SMAD3: variants seen among roughly 807,000 people sequenced by gnomAD.
SMAD3 encodes SMAD family member 3, also known as MAD homolog 3.
In SMAD3, 12 loss-of-function variants were observed where a neutral mutation model predicts 51.8. The ratio of observed to expected loss-of-function variants is 0.23; its 90% CI spans 0.15 to 0.38. SMAD3 has a LOEUF of 0.38. Ranked by LOEUF, SMAD3 falls within the 10% of genes least tolerant of loss-of-function variation. The pLI is 1.00. For synonymous variants in SMAD3, 238 were observed against 227.7 expected (o/e 1.05, Z -0.41); for missense variants, 294 against 565.6 (o/e 0.52, Z 4.87).
At chr15:67,072,773 G>A (rs942406663) in intron 1 of SMAD3, among the ~76,000 whole-genome samples, 4 of 152,190 alleles carry the variant, frequency 2.6e-5, no homozygotes, top group Admixed American at 2.0e-4. Context: ...CTGAGCCATG[G>A]AGCCTTCAGT....
At chr15:67,140,300 A>G (rs894392623) in intron 1 of SMAD3, among the ~76,000 whole-genome samples, 4 of 152,164 alleles carry the variant, frequency 2.6e-5, no homozygotes, top group African/African-American at 9.7e-5. Flanking sequence ...CCCACTGAAA[A>G]TGGAGTGGTG....
chr15:67,188,418 G>A (rs1435197494), intron 8 of SMAD3, among the ~76,000 whole-genome samples: 4 of 152,042 alleles, frequency 2.6e-5, no homozygotes, highest in African/African-American at 9.7e-5. Flanking sequence ...GATTACAGGC[G>A]TGAACCACCA....
At position 67,191,922 on chromosome 15, in the gene SMAD3, TA is replaced by T. The variant is rs1346719868; in HGVS notation, c.*1389del. The T allele has an allele frequency of 8.8e-6, 2 of 227,976 alleles. No homozygotes were observed. Among genetic ancestry groups the T allele is most frequent in the Non-Finnish European group, 1.7e-5 (2 of 114,524 alleles). 14.1% of individuals were successfully genotyped at this position (227,976 alleles called of 1,614,324 possible). A position where few individuals can be genotyped will look rare whatever the true frequency, so the allele number is the denominator to read the frequency against. On this transcript the variant is annotated 3_prime_UTR_variant, in exon 9 of 9. Coordinates refer to ENST00000327367, the MANE Select transcript of SMAD3 (RefSeq NM_005902.4). The stretch of plus-strand genomic sequence containing the variant: ...GCAGCAATTAGGGAGAAAACTAGTC[TA>T]AATTATTTCAACTGGAAAAAAGAAA...
chr15:67,069,682 ACAG>A (rs1960008308), intron 1 of SMAD3, among the ~76,000 whole-genome samples: 1 of 151,930 alleles, frequency 6.6e-6, no homozygotes, highest in Non-Finnish European at 1.5e-5. Flanking sequence ...GGTCTGACAC[ACAG>A]CATCTACTCC....
At chr15:67,145,604 C>T (rs1422188860) in intron 1 of SMAD3, among the ~76,000 whole-genome samples, 4 of 152,100 alleles carry the variant, frequency 2.6e-5, no homozygotes, top group East Asian at 3.9e-4. Context: ...TTTTCTGGTT[C>T]GTGAATGAAA....
At chr15:67,127,817 A>G (rs1467831537) in intron 1 of SMAD3, among the ~76,000 whole-genome samples, 3 of 152,202 alleles carry the variant, frequency 2.0e-5, no homozygotes, top group African/African-American at 4.8e-5. Flanking sequence ...TTCATGTCCA[A>G]GGCTAGAGTG....
At chr15:67,185,174 G>A (rs913639997) in intron 7 of SMAD3, among the ~76,000 whole-genome samples, 10 of 152,164 alleles carry the variant, frequency 6.6e-5, no homozygotes, top group Admixed American at 1.3e-4. Context: ...CAGCATGCAG[G>A]GCTCTGTGCC....
chr15:67,147,499 G>A (rs1962010722), intron 1 of SMAD3, among the ~76,000 whole-genome samples: 1 of 152,106 alleles, frequency 6.6e-6, no homozygotes, highest in Non-Finnish European at 1.5e-5. Context: ...CTGGGTAAAT[G>A]CCATCCTTTC....
At chr15:67,090,910 C>T (rs576572590) in intron 1 of SMAD3, among the ~76,000 whole-genome samples, 38 of 152,352 alleles carry the variant, frequency 2.5e-4, no homozygotes, top group African/African-American at 7.9e-4. Context: ...AAGCCCCTCC[C>T]TCCCTACTTG....
intron 5 of SMAD3, among the ~76,000 whole-genome samples, chr15:67,179,021 T>C (rs1041581791): frequency 3.9e-5 from 6 of 152,238 alleles, no homozygotes; most frequent in African/African-American, 1.4e-4. Flanking sequence ...ATTATCATTG[T>C]TGTTAACACC....
Position 67,192,928 on chromosome 15 carries a change from T to G in SMAD3, c.*2392T>G, listed in dbSNP as rs931719758. On this transcript the variant is annotated 3_prime_UTR_variant, in exon 9 of 9. Coordinates refer to ENST00000327367, the MANE Select transcript of SMAD3 (RefSeq NM_005902.4). ...TGTGTTTTTCCAAAGGATACTTCCT[T>G]GGCCCTTTTTCTTTATTGACTAGAC... 4.3e-6 allele frequency: 1 copy of G among 233,156 alleles called. No individual in the cohort carries two copies. 14.4% of individuals were successfully genotyped at this position (233,156 alleles called of 1,614,324 possible).
At chr15:67,167,779 A>C (rs1299948486) in intron 4 of SMAD3, among the ~76,000 whole-genome samples, 1 of 152,180 alleles carries the variant, frequency 6.6e-6, no homozygotes, top group Non-Finnish European at 1.5e-5. Flanking sequence ...ATTGAACCCC[A>C]GCTGCCACAT....
chr15:67,098,562 T>A (rs1960671263), intron 1 of SMAD3: 2 of 364,998 alleles, frequency 5.5e-6, no homozygotes, highest in South Asian at 1.1e-4. Context: ...AGCCTGTCAC[T>A]CCCTGGCGAA....
At chr15:67,074,291 A>G (rs557615018) in intron 1 of SMAD3, among the ~76,000 whole-genome samples, 1 of 152,310 alleles carries the variant, frequency 6.6e-6, no homozygotes, top group African/African-American at 2.4e-5. Context: ...GCTATTTTTG[A>G]CTATTCTAAG....
intron 8 of SMAD3, among the ~76,000 whole-genome samples, chr15:67,188,148 C>CTTTTTTTTTTT (rs11367565): frequency 2.3e-4 from 27 of 115,954 alleles, no homozygotes; most frequent in East Asian, 8.7e-4. Flanking sequence ...TTTTCTTTTT[C>CTTTTTTTTTTT]TTTTTTTTTT....
intron 1 of SMAD3, among the ~76,000 whole-genome samples, chr15:67,095,774 A>G (rs1296627453): frequency 6.6e-6 from 1 of 152,150 alleles, no homozygotes; most frequent in African/African-American, 2.4e-5. Context: ...ACCTCAGGTG[A>G]TCCAGCCTTG....
At chr15:67,097,310 G>A (rs1477809901) in intron 1 of SMAD3, among the ~76,000 whole-genome samples, 1 of 152,166 alleles carries the variant, frequency 6.6e-6, no homozygotes, top group Non-Finnish European at 1.5e-5. Flanking sequence ...TGACCTCCCA[G>A]CTCAAGCGAT....
At chr15:67,134,820 G>A (rs1412744128) in intron 1 of SMAD3, among the ~76,000 whole-genome samples, 1 of 152,198 alleles carries the variant, frequency 6.6e-6, no homozygotes, top group East Asian at 1.9e-4. Context: ...TGCTCTGGGA[G>A]CTTTATGTGT....
intron 1 of SMAD3, among the ~76,000 whole-genome samples, chr15:67,074,933 A>G (rs150613376): frequency 3.1e-4 from 47 of 152,318 alleles, no homozygotes; most frequent in Non-Finnish European, 6.2e-4. Flanking sequence ...TTTGAAACCT[A>G]CAGAGTTATG....
Sources: allele counts gnomAD v4.1 joint callset (sites outside exome capture counted in the v4.1 genomes callset), GRCh38; gene constraint gnomAD v4.1.1; transcripts MANE v1.5; gene names NCBI Gene and HGNC (gene_info 2026-07-23, HGNC 2026-07-21).